The following JHY variants were observed in gnomAD, a reference collection of about 807,000 sequenced individuals.
The protein encoded by JHY is junctional cadherin complex regulator, also known as jhy protein homolog.
Under a neutral mutation model 78.0 loss-of-function variants are expected in JHY, and 69 were observed. The ratio of observed to expected loss-of-function variants is 0.88; its 90% CI spans 0.73 to 1.08. The LOEUF (loss-of-function observed/expected upper bound fraction) is 1.08, where lower values mean the gene tolerates loss of function less well. Among genes scored for constraint, JHY ranks in the 50% least tolerant of loss-of-function variants. The pLI, the probability that JHY is intolerant of heterozygous loss-of-function variation, is 0.00. For synonymous variants in JHY, 368 were observed against 342.6 expected (o/e 1.07, Z -0.82); for missense variants, 944 against 927.8 (o/e 1.02, Z -0.23).
In JHY at chr11:122,957,304, TAGAG is replaced by T; in HGVS notation, c.2011-56_2011-53del. The T allele has an allele frequency of 5.4e-6, 8 of 1,478,678 alleles. No homozygotes were observed. In the South Asian group the frequency reaches 1.1e-4, roughly 19 times the overall value. 91.6% of individuals were successfully genotyped at this position (1,478,678 alleles called of 1,614,324 possible). ...ACTGAAACCAGGGCATCGCTTTAAA[TAGAG>T]AGCAGAGAGAACTAGCAGCACCTGG... On this transcript the variant is annotated intron_variant, in intron 7 of 8. Coordinates refer to ENST00000227349, the MANE Select transcript of JHY (RefSeq NM_024806.4).
chr11:122,957,302 A>C (rs1864212925), intron 7 of JHY, 61 bp from the exon 8 acceptor site: 2 of 1,476,638 alleles, frequency 1.4e-6, no homozygotes, highest in African/African-American at 3.0e-5. Flanking sequence ...CATCGCTTTA[A>C]ATAGAGAGCA....
chr11:122,959,610 A>G lies in JHY; in HGVS notation c.*165A>G. ...TTAAAATATGAGGCCCAATTGGATT[A>G]TGGTGCCATATTTTACTTTCTAGGA... On this transcript the variant is annotated 3_prime_UTR_variant, in exon 9 of 9. Transcript: ENST00000227349. The G allele has an allele frequency of 1.6e-6, 1 of 639,664 alleles. No individual in the cohort carries two copies. The highest frequency in any genetic ancestry group is 2.6e-6 in the Non-Finnish European group (1 of 385,752). The allele number at this position is 639,664 out of a possible 1,614,324, so 39.6% of individuals were successfully genotyped here. A position where few individuals can be genotyped will look rare whatever the true frequency, so the allele number is the denominator to read the frequency against.
chr11:122,903,643 A>AT (rs1270945849), intron 2 of JHY, among the ~76,000 whole-genome samples: 1 of 151,846 alleles, frequency 6.6e-6, no homozygotes, highest in African/African-American at 2.4e-5. Context: ...TACCCAGCTA[A>AT]TTTTTTAAAA....
At chr11:122,899,316 A>T (rs903434926) in intron 2 of JHY, among the ~76,000 whole-genome samples, 1 of 152,150 alleles carries the variant, frequency 6.6e-6, no homozygotes, top group African/African-American at 2.4e-5. Flanking sequence ...GGAAAATAGC[A>T]CCTTTCTTTA....
At chr11:122,925,979 T>C (rs1330600859) in intron 4 of JHY, among the ~76,000 whole-genome samples, 1 of 150,716 alleles carries the variant, frequency 6.6e-6, no homozygotes, top group East Asian at 1.9e-4. Context: ...ATCATGCCAC[T>C]GCGTTCCAGC....
chr11:122,959,182 A>G (rs1445776997), intron 8 of JHY, 66 bp from the exon 9 acceptor site: 1 of 1,505,142 alleles, frequency 6.6e-7, no homozygotes, highest in Non-Finnish European at 9.0e-7. Flanking sequence ...AACATTTCCT[A>G]GATTTAATTT....
intron 4 of JHY, among the ~76,000 whole-genome samples, chr11:122,931,037 C>T (rs1462283235): frequency 1.3e-5 from 2 of 152,052 alleles, no homozygotes; most frequent in East Asian, 3.9e-4. Flanking sequence ...AATGAGCTTC[C>T]TTGAGCCTAT....
At chr11:122,888,024 T>C (rs1268513073) in intron 2 of JHY, among the ~76,000 whole-genome samples, 3 of 135,354 alleles carry the variant, frequency 2.2e-5, no homozygotes, top group African/African-American at 8.4e-5. Context: ...TTCTTTCTTA[T>C]CTTTCTTCTT....
chr11:122,900,876 C>T (rs1202883513), intron 2 of JHY, among the ~76,000 whole-genome samples: 1 of 152,138 alleles, frequency 6.6e-6, no homozygotes, highest in South Asian at 2.1e-4. Flanking sequence ...AATGAATCTA[C>T]GTAGGTATGC....
intron 2 of JHY, among the ~76,000 whole-genome samples, chr11:122,894,118 C>T (rs903699076): frequency 2.2e-4 from 34 of 152,058 alleles, no homozygotes; most frequent in Non-Finnish European, 2.9e-4. Flanking sequence ...GTCAGGAGTT[C>T]GAGACCAGCC....
At chr11:122,914,313 A>G (rs541649965) in intron 3 of JHY, among the ~76,000 whole-genome samples, 20 of 152,322 alleles carry the variant, frequency 1.3e-4, no homozygotes, top group African/African-American at 4.8e-4. Flanking sequence ...TTGGTTGTCT[A>G]TAAGATTAAG....
At chr11:122,891,043 G>T (rs1482241971) in intron 2 of JHY, among the ~76,000 whole-genome samples, 1 of 152,120 alleles carries the variant, frequency 6.6e-6, no homozygotes, top group Admixed American at 6.6e-5. Context: ...CTCTTGCTGG[G>T]ATCTGAGTAG....
intron 2 of JHY, among the ~76,000 whole-genome samples, chr11:122,888,960 C>T (rs970874412): frequency 1.4e-4 from 21 of 152,276 alleles, no homozygotes; most frequent in Admixed American, 4.6e-4. Context: ...AGACAATGCT[C>T]TGTGCATGTC....
chr11:122,935,029 A>T lies in JHY; in HGVS notation c.1588A>T (p.Lys530Ter). 1 of 1,608,928 alleles carries T rather than the reference A, an allele frequency of 6.2e-7. No individual in the cohort carries two copies. ...ATCAACCAAAAATAAGAAACAACTC[A>T]AACAGCCTTATACAGAGACAAAATA... ...HGSTKNKKQL[K>*]QPYTETKYRN... Residue 530 changes from lysine to a stop codon, truncating the protein, a stop_gained, in exon 5 of 9, where the codon AAA becomes TAA. Transcript: ENST00000227349. LOFTEE classifies it high-confidence loss of function. This position sits in a 1 kb window ranked among gnomAD's most constrained non-coding sequence, Gnocchi z 4.5.
At chr11:122,931,081 C>A (rs961589403) in intron 4 of JHY, among the ~76,000 whole-genome samples, 1 of 152,092 alleles carries the variant, frequency 6.6e-6, no homozygotes, top group Non-Finnish European at 1.5e-5. Flanking sequence ...AAGGAGGGCT[C>A]CGTCCTGCTG....
rs1311484771 is a variant in JHY, at chr11:122,898,583, A to AGT, written c.345-5340_345-5339dup. ...CCCACTCCTGAGTGAGTAGCAGAAC[A>AGT]GTGATCCCCAGTGTTGTCACCTGTG... On this transcript the variant is annotated intron_variant, in intron 2 of 8. Transcript: ENST00000227349. This position sits in a 1 kb window ranked among gnomAD's most constrained non-coding sequence, Gnocchi z 4.4. Among the ~76,000 whole-genome samples, 2 of 152,212 alleles carry AGT rather than the reference A, an allele frequency of 1.3e-5. No homozygotes were observed.
chr11:122,899,657 C>T (rs547082597), intron 2 of JHY, among the ~76,000 whole-genome samples: 16 of 152,288 alleles, frequency 1.1e-4, no homozygotes, highest in South Asian at 2.1e-4. Context: ...TTGCAGTCCC[C>T]GCTGCCTGGG....
chr11:122,961,844 A>T lies in JHY; in HGVS notation c.*2399A>T, dbSNP rs1017991840. Among the ~76,000 whole-genome samples, 4 of 152,262 alleles carry T rather than the reference A, an allele frequency of 2.6e-5. No homozygotes were observed. The highest frequency in any genetic ancestry group is 6.5e-5 in the Admixed American group (1 of 15,294). ...GGTACATCTGGCTGTGCCTGCTCAG[A>T]TAGAACAAATCCTAATGTTGTTCTA... On this transcript the variant is annotated 3_prime_UTR_variant, in exon 9 of 9. Transcript: ENST00000227349.
chr11:122,939,012 G>A (rs1294690229), intron 5 of JHY, among the ~76,000 whole-genome samples: 21 of 148,922 alleles, frequency 1.4e-4, no homozygotes, highest in Non-Finnish European at 2.2e-4. Context: ...TTCCGGAGAC[G>A]GAGTCTCACT....
Sources: gnomAD v4.1 joint callset for allele counts (sites outside exome capture counted in the v4.1 genomes callset) on GRCh38, gnomAD v4.1.1 for gene constraint, Gnocchi (gnomAD v3.1) non-coding constraint, MANE v1.5 for transcripts, NCBI Gene and HGNC (gene_info 2026-07-23, HGNC 2026-07-21) for gene names.